Variants in P2RY12 observed in about 807,000 individuals in gnomAD.
The protein encoded by P2RY12 is purinergic receptor P2Y12.
P2RY12 carries 3 observed loss-of-function variants against 4.5 expected under a neutral mutation model. The ratio of observed to expected loss-of-function variants is 0.67; its 90% confidence interval spans 0.31 to 1.74. The LOEUF (loss-of-function observed/expected upper bound fraction) is 1.74. Among genes scored for constraint, P2RY12 ranks in the 40% most tolerant of loss-of-function variants. P2RY12 has a pLI of 0.09. For synonymous variants in P2RY12, 148 were observed against 154.1 expected, an observed-to-expected ratio of 0.96 and a Z score of 0.29; for missense variants, 356 against 407.8, an observed-to-expected ratio of 0.87 and a Z score of 1.09.
chr3:151,354,974 A>G (rs1753730735), intron 1 of P2RY12: 7 of 652,560 alleles, frequency 1.1e-5, no homozygotes, highest in Middle Eastern at 2.5e-4. Flanking sequence ...TTTGCATTCA[A>G]GTCTTATTGT....
intron 1 of P2RY12, among the ~76,000 whole-genome samples, chr3:151,368,640 ATT>A (rs1755667800): frequency 1.8e-5 from 1 of 56,540 alleles, no homozygotes; most frequent in African/African-American, 8.3e-5. Context: ...ATTTCATTTC[ATT>A]TCATTTCATT....
At chr3:151,368,602 TTTA>T (rs1467735401) in intron 1 of P2RY12, among the ~76,000 whole-genome samples, 2 of 61,790 alleles carry the variant, frequency 3.2e-5, no homozygotes, top group African/African-American at 7.4e-5. Flanking sequence ...TTTATTTTAT[TTTA>T]TTTTATTTTA....
chr3:151,337,699 C>T lies in P2RY12; in HGVS notation c.*118G>A. The T allele has an allele frequency of 1.9e-6, 2 of 1,028,484 alleles. No homozygotes were observed. The highest frequency in any genetic ancestry group is 2.4e-5 in the Admixed American group (1 of 42,540). 63.7% of individuals were successfully genotyped at this position (1,028,484 alleles called of 1,614,324 possible). On this transcript the variant is annotated 3_prime_UTR_variant, in exon 3 of 3. Transcript: ENST00000302632. ...AAATTGCTTTTGTAATCTTCTGTTT[C>T]TTTAGAGTCATTATTATTAACTTAG...
intron 1 of P2RY12, among the ~76,000 whole-genome samples, chr3:151,358,704 T>C (rs1270084694): frequency 6.6e-6 from 1 of 152,170 alleles, no homozygotes; most frequent in African/African-American, 2.4e-5. Context: ...TTTTACCTTA[T>C]ATTAGTAAGG....
At chr3:151,352,436 A>G (rs1268999863) in intron 1 of P2RY12, among the ~76,000 whole-genome samples, 1 of 152,202 alleles carries the variant, frequency 6.6e-6, no homozygotes, top group African/African-American at 2.4e-5. Context: ...TTTGGGATGT[A>G]GTGAGCTGCT....
chr3:151,337,034 A>C lies in P2RY12; in HGVS notation c.*783T>G, dbSNP rs966257535. ...AGCTATTTTCTAGAAGCTAATTAAT[A>C]AAGGTAAGTGTCAATGATGGTATTA... On this transcript the variant is annotated 3_prime_UTR_variant, in exon 3 of 3. Transcript: ENST00000302632. The C allele has an allele frequency of 6.6e-6, 1 of 152,250 alleles. No homozygotes were observed. The highest frequency in any genetic ancestry group is 1.5e-5 in the Non-Finnish European group (1 of 68,084). The allele number at this position is 152,250 out of a possible 1,614,324, so 9.4% of individuals were successfully genotyped here.
At chr3:151,360,400 A>T (rs773252624) in intron 1 of P2RY12, 5 of 1,385,376 alleles carry the variant, frequency 3.6e-6, no homozygotes, top group Non-Finnish European at 5.0e-6. Context: ...ACATATTTTC[A>T]TTCTAAAAGA....
intron 1 of P2RY12, among the ~76,000 whole-genome samples, chr3:151,353,902 G>A (rs1753564811): frequency 6.6e-6 from 1 of 151,950 alleles, no homozygotes; most frequent in Non-Finnish European, 1.5e-5. Flanking sequence ...AGCACTTTGG[G>A]AGGCCGAGGC....
chr3:151,369,672 C>G (rs942347885), intron 1 of P2RY12: 3 of 604,202 alleles, frequency 5.0e-6, no homozygotes, highest in Admixed American at 3.4e-5. Context: ...CGCTTATTCT[C>G]CTGGAAAAAT....
At position 151,338,466 on chromosome 3, in the gene P2RY12, G is replaced by A. The variant is rs116818045; in HGVS notation, c.380C>T (p.Thr127Ile). ...LITIDRYQKT[T>I]RPFKTSNPKN... The stretch of plus-strand genomic sequence containing the variant: ...GGGGTTGGATGTTTTAAATGGCCTG[G>A]TGGTCTTCTGGTAGCGATCGATAGT... Residue 127 changes from threonine (T) to isoleucine (I), a missense_variant, in exon 3 of 3, where the codon ACC (threonine) becomes ATC (isoleucine). Coordinates refer to ENST00000302632, the MANE Select transcript of P2RY12 (RefSeq NM_022788.5). The A allele has an allele frequency of 6.0e-4, 969 of 1,613,944 alleles. 9 individuals are homozygous for A. In the African/African-American group the frequency reaches 0.012, roughly 19 times the overall value.
chr3:151,364,974 C>T (rs372078738), intron 1 of P2RY12: 1 of 1,605,032 alleles, frequency 6.2e-7, no homozygotes, highest in African/African-American at 1.3e-5. Flanking sequence ...TTCTTATAAC[C>T]TCAGTAGTGC....
chr3:151,382,467 G>A (rs374195229), intron 1 of P2RY12, among the ~76,000 whole-genome samples: 1 of 151,936 alleles, frequency 6.6e-6, no homozygotes, highest in Non-Finnish European at 1.5e-5. Context: ...CACCTAGAAC[G>A]GCAAATGCAC....
At chr3:151,346,352 G>A (rs1005797857) in intron 1 of P2RY12, among the ~76,000 whole-genome samples, 7 of 152,072 alleles carry the variant, frequency 4.6e-5, no homozygotes, top group Admixed American at 4.6e-4. Context: ...AGAGTCTTTT[G>A]ATGATCTTCA....
intron 1 of P2RY12, among the ~76,000 whole-genome samples, chr3:151,344,706 A>T (rs989360471): frequency 2.6e-5 from 4 of 152,224 alleles, no homozygotes; most frequent in Non-Finnish European, 4.4e-5. Context: ...GGACAATTAC[A>T]TCCACTTCAT....
At chr3:151,372,466 T>A (rs563961102) in intron 1 of P2RY12, 45 of 805,374 alleles carry the variant, frequency 5.6e-5, no homozygotes, top group Non-Finnish European at 9.4e-5. Context: ...ATAATACTGT[T>A]CATATATTTT....
At chr3:151,342,046 A>G (rs1412451296) in intron 1 of P2RY12, among the ~76,000 whole-genome samples, 1 of 152,152 alleles carries the variant, frequency 6.6e-6, no homozygotes, top group Non-Finnish European at 1.5e-5. Flanking sequence ...ATACGTGTGC[A>G]TGTGTCTTTA....
intron 1 of P2RY12, among the ~76,000 whole-genome samples, chr3:151,375,600 T>G (rs1333584896): frequency 6.6e-6 from 1 of 152,192 alleles, no homozygotes; most frequent in Non-Finnish European, 1.5e-5. Context: ...GAAGATCGTT[T>G]TCTAAATATT....
rs539113151 is a variant in P2RY12 at position 151,356,175 on chromosome 3, G to C, written c.-179-15415C>G. The C allele has an allele frequency of 2.9e-5, 25 of 854,012 alleles. No homozygotes were observed. In the Admixed American group the frequency reaches 7.5e-4, roughly 26 times the overall value. The allele number at this position is 854,012 out of a possible 1,614,324, so 52.9% of individuals were successfully genotyped here. A position where few individuals can be genotyped will look rare whatever the true frequency, so the allele number is the denominator to read the frequency against. ...GGCACTTTGGGAGGCCGAGGTAGGAGGATTGCTTGAATCTAGGAGTTTTAG... is the reference window on the plus strand; with the variant it reads ...GGCACTTTGGGAGGCCGAGGTAGGACGATTGCTTGAATCTAGGAGTTTTAG... On this transcript the variant is annotated intron_variant, in intron 1 of 2. Coordinates refer to ENST00000302632, the MANE Select transcript of P2RY12 (RefSeq NM_022788.5).
At position 151,337,743 on chromosome 3, in the gene P2RY12, A is replaced by G. The variant is rs563100357; in HGVS notation, c.*74T>C. On this transcript the variant is annotated 3_prime_UTR_variant, in exon 3 of 3. Transcript: ENST00000302632. ...AACTTAGTTGCTTCTTCGTCAGTTA[A>G]TATTTTTACTTAGCGCTTTGCTTTA... 86 of 1,462,722 alleles carry G rather than the reference A, an allele frequency of 5.9e-5. No individual in the cohort carries two copies. In the South Asian group the frequency reaches 9.4e-4, roughly 16 times the overall value. 90.6% of individuals were successfully genotyped at this position (1,462,722 alleles called of 1,614,324 possible).
Sources: allele counts gnomAD v4.1 joint callset (sites outside exome capture counted in the v4.1 genomes callset), GRCh38; gene constraint gnomAD v4.1.1; transcripts MANE v1.5; gene names NCBI Gene and HGNC (gene_info 2026-07-23, HGNC 2026-07-21).